The following SOCS2 variants were observed in gnomAD, a reference collection of about 807,000 sequenced individuals.
SOCS2 encodes the protein CIS-2.
Under a neutral mutation model 18.6 loss-of-function variants are expected in SOCS2, and 10 were observed. The observed-to-expected ratio is 0.54, with a 90% confidence interval of 0.33 to 0.91. The LOEUF is 0.91. SOCS2 is among the 40% of genes least tolerant of loss of function. The pLI, the probability that SOCS2 is intolerant of heterozygous loss-of-function variation, is 0.02. For missense variants in SOCS2, 231 were observed against 247.2 expected (o/e 0.93, Z 0.44); for synonymous variants, 104 against 104.0 (o/e 1.00, Z 0.00).
the SOCS2 span, among the ~76,000 whole-genome samples, chr12:93,613,874 G>A: frequency 1.3e-5 from 2 of 152,190 alleles, no homozygotes; most frequent in Non-Finnish European, 2.9e-5. Flanking sequence ...CTACTATAGC[G>A]TGTCAATAGG....
At chr12:93,583,810 A>T (rs1954567144), downstream of SOCS2, among the ~76,000 whole-genome samples, 1 of 152,248 alleles carries the variant, frequency 6.6e-6, no homozygotes, top group Non-Finnish European at 1.5e-5. Flanking sequence ...ACACTTTACA[A>T]GTATAACCTC....
the SOCS2 span, among the ~76,000 whole-genome samples, chr12:93,609,466 T>C: frequency 1.9e-4 from 29 of 151,890 alleles, no homozygotes; most frequent in African/African-American, 6.8e-4. Context: ...TATTAATTTA[T>C]TAATTTTTAT....
the SOCS2 span, among the ~76,000 whole-genome samples, chr12:93,598,179 C>T: frequency 1.6e-3 from 246 of 152,162 alleles, no homozygotes; most frequent in African/African-American, 5.7e-3. Context: ...ACTGTGTTTT[C>T]GATCAAAACC....
chr12:93,599,135 C>G, the SOCS2 span, among the ~76,000 whole-genome samples: 1 of 150,310 alleles, frequency 6.7e-6, no homozygotes, highest in Non-Finnish European at 1.5e-5. Flanking sequence ...AATTCCTATT[C>G]CTGTCCTATG....
At chr12:93,577,191 C>T (rs493955), downstream of SOCS2, among the ~76,000 whole-genome samples, 1 of 152,186 alleles carries the variant, frequency 6.6e-6, no homozygotes, top group African/African-American at 2.4e-5. Context: ...TTCTGAGTTA[C>T]TGCTCGCAAG....
the SOCS2 span, among the ~76,000 whole-genome samples, chr12:93,610,924 C>T: frequency 6.6e-6 from 1 of 152,196 alleles, no homozygotes; most frequent in Admixed American, 6.5e-5. Context: ...GACTAAGACA[C>T]ACTTTCACAA....
At chr12:93,606,264 G>A in the SOCS2 span, among the ~76,000 whole-genome samples, 1 of 152,104 alleles carries the variant, frequency 6.6e-6, no homozygotes, top group Non-Finnish European at 1.5e-5. Flanking sequence ...ATAAAAATTG[G>A]GGTTCTATTC....
intron 1 of SOCS2, 157 bp downstream of exon 1, chr12:93,573,193 T>C: frequency 1.1e-6 from 1 of 948,650 alleles, no homozygotes; most frequent in Non-Finnish European, 1.5e-6. Flanking sequence ...TCCTGGGTCC[T>C]TGGGAATGCG....
In SOCS2 at chr12:93,572,767, T is replaced by C; in HGVS notation, c.-131T>C. On this transcript the variant is annotated 5_prime_UTR_variant, in exon 1 of 2. Coordinates refer to ENST00000551556, the MANE Select transcript of SOCS2 (RefSeq NM_001270471.2). This position sits in a 1 kb window ranked among gnomAD's most constrained non-coding sequence, Gnocchi z 5.0. ...GGGAGAAAGAGCCCCATCCCTTCTC[T>C]CTCTGCCACCATTTCGGACACCCCG... The C allele has an allele frequency of 8.5e-7, 1 of 1,179,522 alleles. No homozygotes were observed. The highest frequency in any genetic ancestry group is 1.5e-5 in the African/African-American group (1 of 66,134). 73.1% of individuals were successfully genotyped at this position (1,179,522 alleles called of 1,614,324 possible).
the SOCS2 span, among the ~76,000 whole-genome samples, chr12:93,589,092 C>T: frequency 7.9e-5 from 12 of 152,314 alleles, no homozygotes; most frequent in South Asian, 4.1e-4. Flanking sequence ...GTTTAAAACA[C>T]GGAAAACATC....
At chr12:93,611,479 C>A in the SOCS2 span, among the ~76,000 whole-genome samples, 1 of 152,138 alleles carries the variant, frequency 6.6e-6, no homozygotes, top group African/African-American at 2.4e-5. Context: ...TCAAGTGATC[C>A]GCCTGCCTCG....
At chr12:93,596,867 G>A in the SOCS2 span, among the ~76,000 whole-genome samples, 4 of 152,032 alleles carry the variant, frequency 2.6e-5, no homozygotes, top group African/African-American at 7.2e-5. Context: ...GGTTCTGCAG[G>A]CCTTTCTGCC....
the SOCS2 span, among the ~76,000 whole-genome samples, chr12:93,610,443 T>C: frequency 6.6e-6 from 1 of 152,202 alleles, no homozygotes; most frequent in Non-Finnish European, 1.5e-5. Flanking sequence ...TTTGTATTTC[T>C]GACAAAGCTC....
chr12:93,571,707 A>T (rs1954258861), upstream of SOCS2: 1 of 288,924 alleles, frequency 3.5e-6, no homozygotes. Context: ...TGCGCACGGA[A>T]CTCCGACCGC....
At chr12:93,610,082 T>C in the SOCS2 span, among the ~76,000 whole-genome samples, 1 of 152,184 alleles carries the variant, frequency 6.6e-6, no homozygotes, top group Non-Finnish European at 1.5e-5. Flanking sequence ...CCCAACACAG[T>C]CGCACTGAGG....
At chr12:93,608,790 C>T in the SOCS2 span, among the ~76,000 whole-genome samples, 9 of 152,246 alleles carry the variant, frequency 5.9e-5, no homozygotes, top group Admixed American at 2.0e-4. Flanking sequence ...GCATCCCACT[C>T]GGTGCAACAT....
the SOCS2 span, among the ~76,000 whole-genome samples, chr12:93,623,965 A>G: frequency 3.9e-5 from 6 of 152,084 alleles, no homozygotes; most frequent in African/African-American, 9.7e-5. Flanking sequence ...CAGCCTCCCA[A>G]AGTGCTGGGA....
chr12:93,605,226 T>C, the SOCS2 span, among the ~76,000 whole-genome samples: 1 of 152,190 alleles, frequency 6.6e-6, no homozygotes, highest in Non-Finnish European at 1.5e-5. Context: ...TTGCGGCTTG[T>C]CTTTATCGCT....
chr12:93,574,060 A>T (rs1954369587), intron 1 of SOCS2: 1 of 152,272 alleles, frequency 6.6e-6, no homozygotes, highest in African/African-American at 2.4e-5. Flanking sequence ...AGTAATTATC[A>T]CTTGGGAATT....
Sources: allele counts gnomAD v4.1 joint callset (sites outside exome capture counted in the v4.1 genomes callset), GRCh38; gene constraint gnomAD v4.1.1; non-coding constraint Gnocchi (gnomAD v3.1); transcripts MANE v1.5; gene names NCBI Gene and HGNC (gene_info 2026-07-23, HGNC 2026-07-21).